The following PPP1R15B variants were observed in gnomAD, a reference collection of about 807,000 sequenced individuals.
PPP1R15B encodes the protein protein phosphatase 1 regulatory subunit 15B, also known as protein phosphatase 1, regulatory (inhibitor) subunit 15B.
A neutral mutation model predicts 53.9 loss-of-function variants in PPP1R15B; 31 were observed. The ratio of observed to expected loss-of-function variants is 0.58; its 90% CI spans 0.43 to 0.78. The LOEUF is 0.78. PPP1R15B is among the 30% of genes least tolerant of loss of function. The pLI is 0.00. For missense variants in PPP1R15B, 928 were observed against 849.6 expected, an observed-to-expected ratio of 1.09 and a Z score of -1.15; for synonymous variants, 345 against 329.1, an observed-to-expected ratio of 1.05 and a Z score of -0.52.
rs1444715253 is a variant in PPP1R15B at position 204,403,678 on chromosome 1, C to T, written c.*2414G>A. ...ACATGCTACATTGACACTTAAAGCACCATTAACAAGACTTTAAATGTATAA... is the reference window on the plus strand; with the variant it reads ...ACATGCTACATTGACACTTAAAGCATCATTAACAAGACTTTAAATGTATAA... On this transcript the variant is annotated 3_prime_UTR_variant, in exon 2 of 2. Transcript: ENST00000367188. 3.0e-6 allele frequency: 3 copies of T among 984,390 alleles called. No individual in the cohort carries two copies. In the East Asian group the frequency reaches 3.4e-4, roughly 112 times the overall value. The allele number at this position is 984,390 out of a possible 1,614,324, so 61.0% of individuals were successfully genotyped here. A position where few individuals can be genotyped will look rare whatever the true frequency, so the allele number is the denominator to read the frequency against.
chr1:204,410,228 T>TC lies in PPP1R15B; in HGVS notation c.1183dup (p.Glu395GlyfsTer11). 6 of 1,614,138 alleles carry TC rather than the reference T, an allele frequency of 3.7e-6. No individual in the cohort carries two copies. Among genetic ancestry groups the TC allele is most frequent in the Non-Finnish European group, 5.1e-6 (6 of 1,180,022 alleles). The stretch of plus-strand genomic sequence containing the variant: ...TACACTTATTCGGCCCTCTCCAGGC[T>TC]CCTTTTCCATAGGTATCTCACTAGA... On this transcript the variant is annotated frameshift_variant, in exon 1 of 2. Coordinates refer to ENST00000367188, the MANE Select transcript of PPP1R15B (RefSeq NM_032833.5). LOFTEE classifies it high-confidence loss of function.
chr1:204,404,478 C>CT lies in PPP1R15B; in HGVS notation c.*1613dup, dbSNP rs2103442874. 2 of 952,320 alleles carry CT rather than the reference C, an allele frequency of 2.1e-6. No individual in the cohort carries two copies. Among genetic ancestry groups the CT allele is most frequent in the Non-Finnish European group, 2.5e-6 (2 of 800,370 alleles). The allele number at this position is 952,320 out of a possible 1,614,324, so 59.0% of individuals were successfully genotyped here. A position where few individuals can be genotyped will look rare whatever the true frequency, so the allele number is the denominator to read the frequency against. On this transcript the variant is annotated 3_prime_UTR_variant, in exon 2 of 2. Transcript: ENST00000367188. The stretch of plus-strand genomic sequence containing the variant: ...CCAAGCTGGGGGACCGAACGAGACT[C>CT]TGTCTCAAAAAAAAAAGAAAAAAAC...
In PPP1R15B at chr1:204,404,642, G is replaced by C. The variant is rs1034008455; in HGVS notation, c.*1450C>G. Reference sequence around the variant, plus strand: ...ATAGAAATAAAATAATGACCAGGTAGATTGTAAACTGAGGTAGTAACCCTG... The same window carrying C: ...ATAGAAATAAAATAATGACCAGGTACATTGTAAACTGAGGTAGTAACCCTG... On this transcript the variant is annotated 3_prime_UTR_variant, in exon 2 of 2. Transcript: ENST00000367188. 8 of 985,556 alleles carry C rather than the reference G, an allele frequency of 8.1e-6. No individual in the cohort carries two copies. Among genetic ancestry groups the C allele is most frequent in the Non-Finnish European group, 9.6e-6 (8 of 829,790 alleles). 61.1% of individuals were successfully genotyped at this position (985,556 alleles called of 1,614,324 possible).
chr1:204,411,497 T>C lies in PPP1R15B; in HGVS notation c.-86A>G. On this transcript the variant is annotated 5_prime_UTR_variant, in exon 1 of 2. Transcript: ENST00000367188. ...GGATTCGGAGGAAGCCTACAGAGTCTCGGCCTTGCCCAGCGGTGGCGTCGC... is the reference window on the plus strand; with the variant it reads ...GGATTCGGAGGAAGCCTACAGAGTCCCGGCCTTGCCCAGCGGTGGCGTCGC... 1 of 1,513,040 alleles carries C rather than the reference T, an allele frequency of 6.6e-7. No individual in the cohort carries two copies. Among genetic ancestry groups the C allele is most frequent in the South Asian group, 1.3e-5 (1 of 77,996 alleles). The allele number at this position is 1,513,040 out of a possible 1,614,324, so 93.7% of individuals were successfully genotyped here.
At position 204,411,718 on chromosome 1, in the gene PPP1R15B, G is replaced by C; in HGVS notation, c.-307C>G. On this transcript the variant is annotated 5_prime_UTR_variant, in exon 1 of 2. In the 5' UTR this introduces an upstream ATG that the reference lacks. Coordinates refer to ENST00000367188, the MANE Select transcript of PPP1R15B (RefSeq NM_032833.5). ...ATAGGAGTCCCCCCACGGCCTCGGCGATGGTTTTCCGACTGACAGAGGGTT... is the reference window on the plus strand; with the variant it reads ...ATAGGAGTCCCCCCACGGCCTCGGCCATGGTTTTCCGACTGACAGAGGGTT... 1 of 461,202 alleles carries C rather than the reference G, an allele frequency of 2.2e-6. No individual in the cohort carries two copies. Among genetic ancestry groups the C allele is most frequent in the East Asian group, 4.0e-5 (1 of 25,138 alleles). 28.6% of individuals were successfully genotyped at this position (461,202 alleles called of 1,614,324 possible).
downstream of PPP1R15B, among the ~76,000 whole-genome samples, chr1:204,397,262 C>T (rs1013917520): frequency 9.9e-5 from 15 of 151,958 alleles, no homozygotes; most frequent in East Asian, 1.2e-3. Context: ...TGATGGCTCA[C>T]GCCTGTAATC....
chr1:204,409,449 ACAGT>A (rs1674320229), intron 1 of PPP1R15B, 39 bp downstream of exon 1: 2 of 1,548,262 alleles, frequency 1.3e-6, no homozygotes, highest in Non-Finnish European at 1.7e-6. Context: ...GCATATAAAA[ACAGT>A]CAGAACATAT....
chr1:204,406,395 T>C (rs1674265361), intron 1 of PPP1R15B, 82 bp from the exon 2 acceptor site: 2 of 1,496,224 alleles, frequency 1.3e-6, no homozygotes, highest in African/African-American at 2.8e-5. Context: ...ATGCTACCAA[T>C]TCTTTCAGAA....
intron 1 of PPP1R15B, among the ~76,000 whole-genome samples, chr1:204,408,066 A>C (rs1674297697): frequency 1.3e-5 from 2 of 152,214 alleles, no homozygotes; most frequent in Non-Finnish European, 2.9e-5. Context: ...CAAGGCAATA[A>C]ATTCTGAGTT....
At chr1:204,397,322 C>T (rs12092737), downstream of PPP1R15B, among the ~76,000 whole-genome samples, 3 of 152,074 alleles carry the variant, frequency 2.0e-5, no homozygotes, top group African/African-American at 7.2e-5. Flanking sequence ...CTCAGGAGTA[C>T]GAGACCACCC....
rs1415039921 is a variant in PPP1R15B at position 204,411,719 on chromosome 1, A to G, written c.-308T>C. ...TAGGAGTCCCCCCACGGCCTCGGCG[A>G]TGGTTTTCCGACTGACAGAGGGTTG... On this transcript the variant is annotated 5_prime_UTR_variant, in exon 1 of 2. Coordinates refer to ENST00000367188, the MANE Select transcript of PPP1R15B (RefSeq NM_032833.5). The G allele has an allele frequency of 4.4e-6, 2 of 455,384 alleles. No individual in the cohort carries two copies. Among genetic ancestry groups the G allele is most frequent in the Non-Finnish European group, 7.9e-6 (2 of 253,306 alleles). 28.2% of individuals were successfully genotyped at this position (455,384 alleles called of 1,614,324 possible). A position where few individuals can be genotyped will look rare whatever the true frequency, so the allele number is the denominator to read the frequency against.
At chr1:204,408,122 ATAT>A (rs1674298565) in intron 1 of PPP1R15B, among the ~76,000 whole-genome samples, 2 of 152,280 alleles carry the variant, frequency 1.3e-5, no homozygotes, top group African/African-American at 4.8e-5. Context: ...TGTACAATAG[ATAT>A]TATTATTTTA....
chr1:204,404,460 G>T lies in PPP1R15B; in HGVS notation c.*1632C>A, dbSNP rs1382939269. 1.4e-5 allele frequency: 12 copies of T among 883,094 alleles called. No homozygotes were observed. Among genetic ancestry groups the T allele is most frequent in the Non-Finnish European group, 1.5e-5 (11 of 737,072 alleles). The allele number at this position is 883,094 out of a possible 1,614,324, so 54.7% of individuals were successfully genotyped here. ...AGATCGCGCCACTGCACTCCAAGCT[G>T]GGGGACCGAACGAGACTCTGTCTCA... On this transcript the variant is annotated 3_prime_UTR_variant, in exon 2 of 2. Coordinates refer to ENST00000367188, the MANE Select transcript of PPP1R15B (RefSeq NM_032833.5).
chr1:204,396,430 G>A (rs1033546158), downstream of PPP1R15B, among the ~76,000 whole-genome samples: 13 of 151,004 alleles, frequency 8.6e-5, no homozygotes, highest in African/African-American at 3.2e-4. Flanking sequence ...GCACACAGCT[G>A]TAGTCCCAGC....
intron 1 of PPP1R15B, among the ~76,000 whole-genome samples, chr1:204,408,424 C>A (rs1421588679): frequency 6.6e-6 from 1 of 152,188 alleles, no homozygotes; most frequent in African/African-American, 2.4e-5. Context: ...AAGATTATCA[C>A]CATTTTGAGA....
At chr1:204,408,792 A>G (rs1217513532) in intron 1 of PPP1R15B, among the ~76,000 whole-genome samples, 1 of 152,254 alleles carries the variant, frequency 6.6e-6, no homozygotes, top group Admixed American at 6.5e-5. Context: ...CAACTAGTCA[A>G]GATAAACCAA....
Position 204,410,199 on chromosome 1 carries a change from C to G in PPP1R15B, c.1213G>C (p.Asp405His). The G allele has an allele frequency of 6.2e-7, 1 of 1,614,088 alleles. No individual in the cohort carries two copies. Among genetic ancestry groups the G allele is most frequent in the Non-Finnish European group, 8.5e-7 (1 of 1,180,040 alleles). Residue 405 changes from aspartate (D) to histidine (H), a missense_variant, in exon 1 of 2, where the codon GAT (aspartate) becomes CAT (histidine). Asp to His is a moderately conservative substitution (Grantham distance 81). Transcript: ENST00000367188. ...AGGTCACCTTCTAGGTATGAGTAATCAACTACACTTATTCGGCCCTCTCCA... is the reference window on the plus strand; with the variant it reads ...AGGTCACCTTCTAGGTATGAGTAATGAACTACACTTATTCGGCCCTCTCCA... ...EPGEGRISVVDYSYLEGDLPI... is the reference protein window; with the variant it reads ...EPGEGRISVVHYSYLEGDLPI...
At position 204,409,690 on chromosome 1, in the gene PPP1R15B, A is replaced by C. The variant is rs752150907; in HGVS notation, c.1722T>G (p.Pro574=). ...TCTCATTTTCCCCTGATGTTTGAAA[A>C]GGAGCCTTAAAATTTAAAGGGTTGT... ...DPYNPLNFKA[P]FQTSGENEKG... is the part of the protein sequence containing the mutation. The change falls in exon 1 of 2, where the codon CCT becomes CCG. Residue 574 remains proline, a synonymous_variant. Coordinates refer to ENST00000367188, the MANE Select transcript of PPP1R15B (RefSeq NM_032833.5). The C allele has an allele frequency of 6.2e-7, 1 of 1,614,130 alleles. No homozygotes were observed.
At position 204,411,506 on chromosome 1, in the gene PPP1R15B, C is replaced by T; in HGVS notation, c.-95G>A. 6.7e-7 allele frequency: 1 copy of T among 1,483,942 alleles called. No individual in the cohort carries two copies. Among genetic ancestry groups the T allele is most frequent in the South Asian group, 1.3e-5 (1 of 75,776 alleles). 91.9% of individuals were successfully genotyped at this position (1,483,942 alleles called of 1,614,324 possible). On this transcript the variant is annotated 5_prime_UTR_variant, in exon 1 of 2. Transcript: ENST00000367188. The stretch of plus-strand genomic sequence containing the variant: ...GGAAGCCTACAGAGTCTCGGCCTTG[C>T]CCAGCGGTGGCGTCGCTGCTCCAGG...
Sources: gnomAD v4.1 joint callset for allele counts (sites outside exome capture counted in the v4.1 genomes callset) on GRCh38, gnomAD v4.1.1 for gene constraint, MANE v1.5 for transcripts, NCBI Gene and HGNC (gene_info 2026-07-23, HGNC 2026-07-21) for gene names.